Variants in CAMK4 observed in about 807,000 individuals in gnomAD.
The protein encoded by CAMK4 is calcium/calmodulin-dependent protein kinase type IV.
A neutral mutation model predicts 44.9 loss-of-function variants in CAMK4; 22 were observed. That is an observed-to-expected ratio of 0.49 (90% CI 0.35 to 0.70). CAMK4 has a LOEUF of 0.70. Among genes scored for constraint, CAMK4 ranks in the 30% least tolerant of loss-of-function variants. The pLI is 0.01. For missense variants in CAMK4, 498 were observed against 586.8 expected, an observed-to-expected ratio of 0.85 and a Z score of 1.56; for synonymous variants, 218 against 215.4, an observed-to-expected ratio of 1.01 and a Z score of -0.11.
At chr5:111,400,903 C>T (rs11957032) in intron 5 of CAMK4, among the ~76,000 whole-genome samples, 1 of 152,134 alleles carries the variant, frequency 6.6e-6, no homozygotes, top group Non-Finnish European at 1.5e-5. Context: ...TCCCTCTCCT[C>T]TGATACTTAA....
At chr5:111,473,186 G>A in intron 7 of CAMK4, 125 bp from the exon 8 acceptor site, 1 of 733,998 alleles carries the variant, frequency 1.4e-6, no homozygotes, top group Non-Finnish European at 2.4e-6. Context: ...GGTTTGGGGA[G>A]AGAAGATTGG....
chr5:111,303,772 C>A (rs1332728283), intron 1 of CAMK4, among the ~76,000 whole-genome samples: 1 of 147,424 alleles, frequency 6.8e-6, no homozygotes, highest in East Asian at 2.0e-4. Context: ...TCGAGAAGAG[C>A]AACTCGAAGA....
chr5:111,278,906 T>C (rs1750884363), intron 1 of CAMK4, among the ~76,000 whole-genome samples: 1 of 152,130 alleles, frequency 6.6e-6, no homozygotes, highest in Non-Finnish European at 1.5e-5. Flanking sequence ...CCTGGAGAGC[T>C]CTAGAAAGGA....
In CAMK4 at chr5:111,282,807, A is replaced by G. The variant is rs377120307; in HGVS notation, c.161+58163A>G. On this transcript the variant is annotated intron_variant, in intron 1 of 10. Coordinates refer to ENST00000282356, the MANE Select transcript of CAMK4 (RefSeq NM_001744.6). ...AAACCCATCACAAATTGAAAGTACA[A>G]TAAGTCAAAAGCACATTTAATATGC... is the stretch of plus-strand genomic sequence containing the variant. 1.5e-4 allele frequency: 23 copies of G among 152,376 alleles called. No homozygotes were observed. The East Asian group carries it at 2.5e-3, about 17-fold the overall frequency. 9.4% of individuals were successfully genotyped at this position (152,376 alleles called of 1,614,324 possible). A position where few individuals can be genotyped will look rare whatever the true frequency, so the allele number is the denominator to read the frequency against.
intron 4 of CAMK4, among the ~76,000 whole-genome samples, chr5:111,393,412 A>T (rs1490530219): frequency 5.3e-5 from 8 of 152,166 alleles, no homozygotes; most frequent in African/African-American, 1.9e-4. Context: ...CTAGAATCAA[A>T]TGTGATTCTA....
In CAMK4 at chr5:111,230,876, A is replaced by G. The variant is rs1748440344; in HGVS notation, c.161+6232A>G. 2.0e-5 allele frequency among the ~76,000 whole-genome samples: 3 copies of G among 152,080 alleles called. No individual in the cohort carries two copies. The South Asian group carries it at 6.2e-4, about 32-fold the overall frequency. On this transcript the variant is annotated intron_variant, in intron 1 of 10. Coordinates refer to ENST00000282356, the MANE Select transcript of CAMK4 (RefSeq NM_001744.6). ...CTTTTGGGAAAGCTACGTATCTAAT[A>G]AACAGAATATTGATTTTGTAAAATT...
rs1371385205 is a variant in CAMK4 at position 111,485,952 on chromosome 5, A to G, written c.*1486A>G. ...TTTGGTGGGTTTTCTCAATTTTAAA[A>G]AAGAATTCATTTTAAAAAATAATTA... On this transcript the variant is annotated 3_prime_UTR_variant, in exon 11 of 11. Transcript: ENST00000282356. 6.6e-6 allele frequency: 1 copy of G among 152,196 alleles called. No individual in the cohort carries two copies. The highest frequency in any genetic ancestry group is 1.5e-5 in the Non-Finnish European group (1 of 68,024). The allele number at this position is 152,196 out of a possible 1,614,324, so 9.4% of individuals were successfully genotyped here.
chr5:111,361,207 C>G (rs999518548), intron 2 of CAMK4, among the ~76,000 whole-genome samples: 3 of 151,950 alleles, frequency 2.0e-5, no homozygotes, highest in Non-Finnish European at 2.9e-5. Flanking sequence ...TTAATACTTT[C>G]AGGAGTATTA....
At chr5:111,309,994 C>A (rs946359398) in intron 1 of CAMK4, among the ~76,000 whole-genome samples, 1 of 152,314 alleles carries the variant, frequency 6.6e-6, no homozygotes. Context: ...AATGAGTAGA[C>A]AGCAGGGTTC....
chr5:111,275,982 A>T (rs1185040046), intron 1 of CAMK4, among the ~76,000 whole-genome samples: 1 of 152,184 alleles, frequency 6.6e-6, no homozygotes, highest in Admixed American at 6.5e-5. Context: ...TTAAATATAT[A>T]GTCCCACCAT....
chr5:111,433,219 C>G (rs1031560147), intron 5 of CAMK4, among the ~76,000 whole-genome samples: 1 of 152,188 alleles, frequency 6.6e-6, no homozygotes, highest in African/African-American at 2.4e-5. Flanking sequence ...CATCTAGAGT[C>G]TAAGCCAACA....
chr5:111,341,173 C>A (rs957915033), intron 1 of CAMK4, among the ~76,000 whole-genome samples: 2 of 151,168 alleles, frequency 1.3e-5, no homozygotes, highest in Non-Finnish European at 3.0e-5. Context: ...TATTTTCTCC[C>A]ACACTTTCAA....
intron 5 of CAMK4, among the ~76,000 whole-genome samples, chr5:111,429,677 G>T (rs1459003702): frequency 6.7e-6 from 1 of 150,038 alleles, no homozygotes; most frequent in Non-Finnish European, 1.5e-5. Flanking sequence ...TCAGGAGGCT[G>T]AGGTGGGAGG....
chr5:111,285,603 A>C (rs1751208346), intron 1 of CAMK4, among the ~76,000 whole-genome samples: 1 of 152,198 alleles, frequency 6.6e-6, no homozygotes. Context: ...GTGCTTTTTC[A>C]TGTGGATAAT....
intron 1 of CAMK4, among the ~76,000 whole-genome samples, chr5:111,276,788 A>C (rs1210082160): frequency 6.6e-6 from 1 of 152,072 alleles, no homozygotes; most frequent in Non-Finnish European, 1.5e-5. Context: ...AAATAGTAAA[A>C]ATTTATCATA....
At chr5:111,354,573 A>G (rs144586361) in intron 2 of CAMK4, among the ~76,000 whole-genome samples, 248 of 150,602 alleles carry the variant, frequency 1.6e-3, no homozygotes, top group African/African-American at 5.7e-3. Context: ...TCTCAGTTTT[A>G]CCACTATAAA....
rs539835229 is a variant in CAMK4 at position 111,327,549 on chromosome 5, G to A, written c.162-16475G>A. Among the ~76,000 whole-genome samples, 88 of 152,154 alleles carry A rather than the reference G, an allele frequency of 5.8e-4. 1 individual carries two copies. Among genetic ancestry groups the A allele is most frequent in the African/African-American group, 1.8e-3 (74 of 41,504 alleles). ...AGTAATGGGATGGCTGGGTCAAATG[G>A]TATTTCTAGTTCTAGATCCCTGAGG... On this transcript the variant is annotated intron_variant, in intron 1 of 10. Transcript: ENST00000282356.
At chr5:111,282,056 C>CA (rs58617977) in intron 1 of CAMK4, among the ~76,000 whole-genome samples, 8,571 of 112,256 alleles carry the variant, frequency 0.076, 428 homozygotes, top group African/African-American at 0.18. Flanking sequence ...GACTCCGTCT[C>CA]AAAAAAAAAA....
intron 1 of CAMK4, among the ~76,000 whole-genome samples, chr5:111,270,977 A>C (rs931725391): frequency 7.9e-5 from 12 of 152,182 alleles, no homozygotes; most frequent in African/African-American, 2.9e-4. Context: ...CCTTCTTCAC[A>C]AGGCGGCAGG....
Sources: allele counts gnomAD v4.1 joint callset (sites outside exome capture counted in the v4.1 genomes callset), GRCh38; gene constraint gnomAD v4.1.1; transcripts MANE v1.5; gene names NCBI Gene and HGNC (gene_info 2026-07-23, HGNC 2026-07-21).